GAB2: variants seen among roughly 807,000 people sequenced by gnomAD.
GAB2 encodes the protein GRB2-associated-binding protein 2.
Under a neutral mutation model 65.5 loss-of-function variants are expected in GAB2, and 26 were observed. That is an observed-to-expected ratio of 0.40 (90% CI 0.29 to 0.55). GAB2 has a LOEUF of 0.55. Ranked by LOEUF, GAB2 falls within the 20% of genes least tolerant of loss-of-function variation. The pLI is 0.53. For synonymous variants in GAB2, 321 were observed against 329.6 expected (o/e 0.97, Z 0.28); for missense variants, 884 against 875.8 (o/e 1.01, Z -0.12).
chr11:78,333,006 T>C (rs1855941341), intron 1 of GAB2, among the ~76,000 whole-genome samples: 1 of 152,188 alleles, frequency 6.6e-6, no homozygotes, highest in Non-Finnish European at 1.5e-5. Context: ...GAATCTCTTA[T>C]AATTTAATGG....
intron 1 of GAB2, among the ~76,000 whole-genome samples, chr11:78,345,838 C>T (rs552109567): frequency 8.5e-5 from 13 of 152,332 alleles, no homozygotes; most frequent in Admixed American, 8.5e-4. Flanking sequence ...GAGACACCGA[C>T]TGTCCTCATC....
At chr11:78,353,749 A>T (rs1254389572) in intron 1 of GAB2, among the ~76,000 whole-genome samples, 1 of 152,266 alleles carries the variant, frequency 6.6e-6, no homozygotes, top group Non-Finnish European at 1.5e-5. Context: ...TGGACAGTGC[A>T]GCTCTAGATA....
At chr11:78,331,209 G>C (rs1395443563) in intron 1 of GAB2, among the ~76,000 whole-genome samples, 1 of 150,984 alleles carries the variant, frequency 6.6e-6, no homozygotes, top group Non-Finnish European at 1.5e-5. Context: ...ATAAATAGCA[G>C]GACCAGCACT....
At chr11:78,365,382 G>T (rs1211744450) in intron 1 of GAB2, among the ~76,000 whole-genome samples, 1 of 152,114 alleles carries the variant, frequency 6.6e-6, no homozygotes, top group Admixed American at 6.5e-5. Flanking sequence ...GGGCACCTTG[G>T]CTTACTAAAT....
chr11:78,312,140 C>T (rs1855512446), intron 1 of GAB2, among the ~76,000 whole-genome samples: 1 of 150,996 alleles, frequency 6.6e-6, no homozygotes, highest in African/African-American at 2.4e-5. Context: ...ACTGAATGTT[C>T]CTGGTGTTTA....
intron 3 of GAB2, among the ~76,000 whole-genome samples, chr11:78,235,522 A>C (rs1280226583): frequency 6.6e-6 from 1 of 152,052 alleles, no homozygotes; most frequent in Non-Finnish European, 1.5e-5. Flanking sequence ...TTCCCTTATA[A>C]AATTGAATGC....
At chr11:78,227,631 C>CAAAAAAAAAAAAAAAAAAAAA (rs55716895) in intron 3 of GAB2, among the ~76,000 whole-genome samples, 67 of 106,086 alleles carry the variant, frequency 6.3e-4, no homozygotes, top group African/African-American at 2.2e-3. Flanking sequence ...CCATTGCCAC[C>CAAAAAAAAAAAAAAAAAAAAA]AAAAAAAAAA....
At position 78,362,977 on chromosome 11, in the gene GAB2, T is replaced by A. The variant is rs548386874; in HGVS notation, c.75+54669A>T. Among the ~76,000 whole-genome samples, 4 of 152,212 alleles carry A rather than the reference T, an allele frequency of 2.6e-5. No individual in the cohort carries two copies. The South Asian group carries it at 8.3e-4, about 32-fold the overall frequency. ...GGCCTCGAAATATATAAAGCAAGAA[T>A]TGCCATTACTATAAGTAGAAAGTGA... is the stretch of plus-strand genomic sequence containing the variant. On this transcript the variant is annotated intron_variant, in intron 1 of 9. Coordinates refer to ENST00000361507, the MANE Select transcript of GAB2 (RefSeq NM_080491.3).
chr11:78,307,363 A>C lies in GAB2; in HGVS notation c.76-26462T>G, dbSNP rs538475132. 6.6e-5 allele frequency among the ~76,000 whole-genome samples: 10 copies of C among 152,354 alleles called. No homozygotes were observed. In the South Asian group the frequency reaches 2.1e-3, roughly 32 times the overall value. On this transcript the variant is annotated intron_variant, in intron 1 of 9. Coordinates refer to ENST00000361507, the MANE Select transcript of GAB2 (RefSeq NM_080491.3). ...TAAGCCTGAAAATTATTTTTGTTCA[A>C]TAATAAAAGCAAGGTTGCTTTAAAA...
chr11:78,391,753 A>G (rs1202926331), intron 1 of GAB2, among the ~76,000 whole-genome samples: 1 of 152,190 alleles, frequency 6.6e-6, no homozygotes, highest in Non-Finnish European at 1.5e-5. Context: ...GGGGCCCCAG[A>G]TATTGGGGAG....
intron 4 of GAB2, 40 bp from the exon 5 acceptor site, chr11:78,225,242 T>A: frequency 5.2e-6 from 7 of 1,357,200 alleles, no homozygotes; most frequent in Non-Finnish European, 7.4e-6. Context: ...TCATGGTTGA[T>A]TCATGTGTTG....
intron 1 of GAB2, among the ~76,000 whole-genome samples, chr11:78,284,540 C>A (rs140638342): frequency 6.6e-6 from 1 of 152,184 alleles, no homozygotes; most frequent in African/African-American, 2.4e-5. Flanking sequence ...CAGTGCCAGG[C>A]GTGCTCCTGC....
At chr11:78,221,844 C>G in intron 7 of GAB2, 65 bp from the exon 8 acceptor site, 1 of 1,149,406 alleles carries the variant, frequency 8.7e-7, no homozygotes, top group East Asian at 2.4e-5. Context: ...TTCTAGCCTC[C>G]AGCTGGGCCC....
At chr11:78,353,550 G>A (rs1411808443) in intron 1 of GAB2, among the ~76,000 whole-genome samples, 1 of 152,182 alleles carries the variant, frequency 6.6e-6, no homozygotes, top group Admixed American at 6.5e-5. Flanking sequence ...TTTGAGCCCA[G>A]CATTATTCAA....
At chr11:78,342,015 A>C (rs1174512059) in intron 1 of GAB2, 1 of 303,280 alleles carries the variant, frequency 3.3e-6, no homozygotes, top group Non-Finnish European at 4.8e-6. Flanking sequence ...ACTGTGCCTA[A>C]TGAATTCTGG....
At chr11:78,389,152 T>C (rs189573678) in intron 1 of GAB2, among the ~76,000 whole-genome samples, 52 of 152,286 alleles carry the variant, frequency 3.4e-4, no homozygotes, top group African/African-American at 1.1e-3. Context: ...GCAGAATGTA[T>C]TAAGTGCCAA....
At chr11:78,269,111 T>G (rs538172147) in intron 2 of GAB2, among the ~76,000 whole-genome samples, 22 of 152,048 alleles carry the variant, frequency 1.4e-4, no homozygotes, top group Non-Finnish European at 3.1e-4. Flanking sequence ...CCTCATTGTC[T>G]CAGTGGAAAA....
chr11:78,310,782 T>C (rs1443810974), intron 1 of GAB2, among the ~76,000 whole-genome samples: 1 of 152,144 alleles, frequency 6.6e-6, no homozygotes, highest in Non-Finnish European at 1.5e-5. Flanking sequence ...CAGCTTCAGG[T>C]GTGGGAAAGA....
Position 78,226,619 on chromosome 11 carries a change from G to GCC in GAB2, c.1052_1053insGG (p.Pro352AlafsTer76). 4.2e-6 allele frequency: 4 copies of GCC among 952,190 alleles called. No homozygotes were observed. Among genetic ancestry groups the GCC allele is most frequent in the African/African-American group, 1.7e-5 (1 of 60,294 alleles). 59.0% of individuals were successfully genotyped at this position (952,190 alleles called of 1,614,324 possible). ...GACTTGGCTTGGGGGGGCGGGGTGG[G>GCC]GGAGCTATGGCTGAGTCCCCAGGAG... On this transcript the variant is annotated frameshift_variant, in exon 4 of 10. Coordinates refer to ENST00000361507, the MANE Select transcript of GAB2 (RefSeq NM_080491.3). LOFTEE classifies it high-confidence loss of function.
Sources: gnomAD v4.1 joint callset for allele counts (sites outside exome capture counted in the v4.1 genomes callset) on GRCh38, gnomAD v4.1.1 for gene constraint, MANE v1.5 for transcripts, NCBI Gene and HGNC (gene_info 2026-07-23, HGNC 2026-07-21) for gene names.